The following ZFPM1 variants were observed in gnomAD, a reference collection of about 807,000 sequenced individuals.
ZFPM1 encodes zinc finger protein, FOG family member 1.
In ZFPM1, 28 loss-of-function variants were observed where a neutral mutation model predicts 46.3. That is an observed-to-expected ratio of 0.60 (90% confidence interval 0.45 to 0.83). The LOEUF is 0.83. ZFPM1 is among the 40% of genes least tolerant of loss of function. ZFPM1 has a pLI of 0.00. For synonymous variants in ZFPM1, 957 were observed against 675.9 expected, an observed-to-expected ratio of 1.42 and a Z score of -6.45; for missense variants, 1,878 against 1,432.4, an observed-to-expected ratio of 1.31 and a Z score of -5.02.
chr16:88,460,962 AGGCCTGGT>A lies in ZFPM1; in HGVS notation c.40+7286_40+7293del, dbSNP rs1597226454. On this transcript the variant is annotated intron_variant, in intron 1 of 9. Transcript: ENST00000319555. ...GGTGATGACCGAGGGGCGGGGCGGG[AGGCCTGGT>A]GAGGACCGAGGGGAGGGGCGGGAGG... is the stretch of plus-strand genomic sequence containing the variant. Among the ~76,000 whole-genome samples, 3 of 14,116 alleles carry A rather than the reference AGGCCTGGT, an allele frequency of 2.1e-4. No homozygotes were observed. In the East Asian group the frequency reaches 6.2e-3, roughly 29 times the overall value. 9.3% of individuals were successfully genotyped at this position (14,116 alleles called of 152,430 possible). A position where few individuals can be genotyped will look rare whatever the true frequency, so the allele number is the denominator to read the frequency against.
intron 3 of ZFPM1, among the ~76,000 whole-genome samples, chr16:88,493,319 G>A (rs1268302987): frequency 6.9e-6 from 1 of 144,834 alleles, no homozygotes; most frequent in Non-Finnish European, 1.5e-5. Context: ...GTCCTGGGGT[G>A]TGGGAAATTG....
In ZFPM1 at chr16:88,532,630, G is replaced by A; in HGVS notation, c.963G>A (p.Val321=). The part of the protein sequence containing the change: ...MRSHSGERPF[V]CLICLSAFTT... ...GTGTTCCAGGAGAGCGGCCCTTCGT[G>A]TGCCTGATCTGCCTGTCGGCCTTCA... The change falls in exon 8 of 10, where the codon GTG becomes GTA. Residue 321 remains valine, a synonymous_variant. Transcript: ENST00000319555. 7.6e-6 allele frequency: 12 copies of A among 1,577,474 alleles called. No individual in the cohort carries two copies. Among genetic ancestry groups the A allele is most frequent in the Non-Finnish European group, 1.0e-5 (12 of 1,161,324 alleles).
intron 1 of ZFPM1, among the ~76,000 whole-genome samples, chr16:88,464,281 C>G (rs1908026664): frequency 6.6e-6 from 1 of 152,220 alleles, no homozygotes; most frequent in Non-Finnish European, 1.5e-5. Context: ...AGGGGCAGGG[C>G]CCCCAGGTGC....
At position 88,535,859 on chromosome 16, in the gene ZFPM1, T is replaced by C; in HGVS notation, c.*880T>C. On this transcript the variant is annotated 3_prime_UTR_variant, in exon 10 of 10. Transcript: ENST00000319555. ...CTGAGGGAGTACTTGGCTGACCGCG[T>C]TCAGCCACGGTGTCACCGTGCCGTT... The C allele has an allele frequency of 6.6e-6, 1 of 151,860 alleles. No homozygotes were observed. The highest frequency in any genetic ancestry group is 1.5e-5 in the Non-Finnish European group (1 of 67,954). The allele number at this position is 151,860 out of a possible 1,614,324, so 9.4% of individuals were successfully genotyped here. A position where few individuals can be genotyped will look rare whatever the true frequency, so the allele number is the denominator to read the frequency against.
At chr16:88,460,922 C>T (rs796779847) in intron 1 of ZFPM1, among the ~76,000 whole-genome samples, 1,792 of 26,686 alleles carry the variant, frequency 0.067, 227 homozygotes, top group African/African-American at 0.19. Flanking sequence ...GACCGAGGGG[C>T]GGGGCGGGAG....
chr16:88,458,239 C>CT (rs1907644844), intron 1 of ZFPM1, among the ~76,000 whole-genome samples: 1 of 152,226 alleles, frequency 6.6e-6, no homozygotes, highest in Admixed American at 6.5e-5. Context: ...CCCTGAGCCT[C>CT]TCTCAGCCTC....
intron 3 of ZFPM1, among the ~76,000 whole-genome samples, chr16:88,496,291 C>T (rs150609046): frequency 6.6e-6 from 1 of 152,224 alleles, no homozygotes; most frequent in Non-Finnish European, 1.5e-5. Context: ...CCTGAGAGCA[C>T]AGGGCTGGGG....
chr16:88,454,518 G>A (rs1034784145), intron 1 of ZFPM1, among the ~76,000 whole-genome samples: 1 of 152,180 alleles, frequency 6.6e-6, no homozygotes, highest in Non-Finnish European at 1.5e-5. Context: ...GCCCCGGGCC[G>A]GGGTCGCCCC....
upstream of ZFPM1, among the ~76,000 whole-genome samples, chr16:88,452,699 A>G (rs1362848956): frequency 1.3e-5 from 2 of 152,272 alleles, no homozygotes; most frequent in Non-Finnish European, 2.9e-5. Context: ...AGCGTGCGGC[A>G]GAGCCCAGGG....
Position 88,533,186 on chromosome 16 carries a change from C to A in ZFPM1, c.1228C>A (p.Gln410Lys). The stretch of plus-strand genomic sequence containing the variant: ...CTTCCAGCAGCAGCACACGGCCCTG[C>A]AAGGCCCCCTGGCCTCCGCGGACCT... ...GSFQQQHTAL[Q>K]GPLASADLGL... is the part of the protein sequence containing the mutation. The change falls in exon 10 of 10, where the codon CAA (glutamine) becomes AAA (lysine). Residue 410 changes from glutamine (Q) to lysine (K), a missense_variant. Gln to Lys is a moderately conservative substitution (Grantham distance 53). Transcript: ENST00000319555. 6.5e-7 allele frequency: 1 copy of A among 1,532,920 alleles called. No homozygotes were observed. The highest frequency in any genetic ancestry group is 8.7e-7 in the Non-Finnish European group (1 of 1,149,822). 95.0% of individuals were successfully genotyped at this position (1,532,920 alleles called of 1,614,324 possible). A position where few individuals can be genotyped will look rare whatever the true frequency, so the allele number is the denominator to read the frequency against.
At chr16:88,481,808 G>A (rs377388897) in intron 1 of ZFPM1, among the ~76,000 whole-genome samples, 18 of 152,210 alleles carry the variant, frequency 1.2e-4, no homozygotes, top group African/African-American at 4.3e-4. Context: ...GGGCGGTTAA[G>A]GGTGGGCATT....
chr16:88,532,908 G>A lies in ZFPM1; in HGVS notation c.1162G>A (p.Gly388Arg), dbSNP rs764813520. 9 of 1,613,064 alleles carry A rather than the reference G, an allele frequency of 5.6e-6. No homozygotes were observed. Among genetic ancestry groups the A allele is most frequent in the Admixed American group, 3.3e-5 (2 of 60,000 alleles). Residue 388 changes from glycine to arginine, a missense_variant, in exon 9 of 10, where the codon GGA (glycine) becomes AGA (arginine). Physicochemically the swap from Gly to Arg is moderately radical, Grantham distance 125 (BLOSUM62 -2). Coordinates refer to ENST00000319555, the MANE Select transcript of ZFPM1 (RefSeq NM_153813.3). Reference sequence around the variant, plus strand: ...GGGTGAGATCTACTCGCCAGGGGCCGGACACCCAGCAACCAAGCTGCCCCC... The same window carrying A: ...GGGTGAGATCTACTCGCCAGGGGCCAGACACCCAGCAACCAAGCTGCCCCC... ...SKGEIYSPGA[G>R]HPATKLPPDS...
At chr16:88,530,800 T>G (rs1280536046) in intron 6 of ZFPM1, 1 of 152,184 alleles carries the variant, frequency 6.6e-6, no homozygotes, top group African/African-American at 2.4e-5. Flanking sequence ...AGGCCTCAGC[T>G]GAGAGAGGAC....
Position 88,534,446 on chromosome 16 carries a change from G to C in ZFPM1, c.2488G>C (p.Glu830Gln), listed in dbSNP as rs1913113057. 1 of 1,497,364 alleles carries C rather than the reference G, an allele frequency of 6.7e-7. No homozygotes were observed. Among genetic ancestry groups the C allele is most frequent in the Non-Finnish European group, 8.8e-7 (1 of 1,130,596 alleles). The allele number at this position is 1,497,364 out of a possible 1,614,324, so 92.8% of individuals were successfully genotyped here. The change falls in exon 10 of 10, where the codon GAG becomes CAG. Residue 830 changes from glutamate to glutamine, a missense_variant. Glu to Gln is a conservative substitution (Grantham distance 29). Coordinates refer to ENST00000319555, the MANE Select transcript of ZFPM1 (RefSeq NM_153813.3). ...TACRVSFHSL[E>Q]AYLAHKKYSC... ...CTGCCGCGTGAGCTTCCACAGCCTC[G>C]AGGCCTACCTGGCGCACAAGAAGTA...
intron 1 of ZFPM1, among the ~76,000 whole-genome samples, chr16:88,454,319 C>T (rs1326471992): frequency 2.0e-5 from 3 of 152,298 alleles, no homozygotes; most frequent in Admixed American, 2.0e-4. Context: ...GCCCCCCAGA[C>T]ACCCCCACCC....
intron 1 of ZFPM1, among the ~76,000 whole-genome samples, chr16:88,461,287 G>T (rs1408296257): frequency 2.0e-5 from 3 of 151,968 alleles, no homozygotes; most frequent in Non-Finnish European, 4.4e-5. Flanking sequence ...GGCCTGGTGA[G>T]GACCAGGATG....
rs774657768 is a variant in ZFPM1, at chr16:88,534,518, G to A, written c.2560G>A (p.Ala854Thr). The change falls in exon 10 of 10, where the codon GCC becomes ACC. Residue 854 changes from alanine to threonine, a missense_variant. Ala to Thr is a moderately conservative substitution (Grantham distance 58). Transcript: ENST00000319555. ...PPPGALGLPA[A>T]ACPYCPPNGP... is the part of the protein sequence containing the mutation. ...GCCCGGCGCGCTCGGCCTGCCCGCC[G>A]CCGCCTGCCCCTACTGCCCCCCGAA... The A allele has an allele frequency of 1.4e-6, 2 of 1,440,840 alleles. No homozygotes were observed. The highest frequency in any genetic ancestry group is 9.1e-7 in the Non-Finnish European group (1 of 1,099,992). 89.3% of individuals were successfully genotyped at this position (1,440,840 alleles called of 1,614,324 possible). A position where few individuals can be genotyped will look rare whatever the true frequency, so the allele number is the denominator to read the frequency against.
intron 1 of ZFPM1, among the ~76,000 whole-genome samples, chr16:88,462,913 C>T (rs1210327404): frequency 6.7e-6 from 1 of 150,200 alleles, no homozygotes; most frequent in African/African-American, 2.4e-5. Context: ...AGGTGCAGCC[C>T]GGGCCAGGGC....
intron 4 of ZFPM1, among the ~76,000 whole-genome samples, chr16:88,521,256 C>T (rs369122041): frequency 2.6e-4 from 39 of 151,392 alleles, no homozygotes; most frequent in Non-Finnish European, 3.8e-4. Flanking sequence ...TTCCCTCCTC[C>T]GTGCTGTGAA....
Sources: allele counts gnomAD v4.1 joint callset (sites outside exome capture counted in the v4.1 genomes callset), GRCh38; gene constraint gnomAD v4.1.1; transcripts MANE v1.5; gene names NCBI Gene and HGNC (gene_info 2026-07-23, HGNC 2026-07-21).